NFATC1: variants seen among roughly 807,000 people sequenced by gnomAD.
NFATC1 encodes the protein nuclear factor of activated T-cells, cytoplasmic 1.
NFATC1 carries 22 observed loss-of-function variants against 76.0 expected under a neutral mutation model. That is an observed-to-expected ratio of 0.29 (90% CI 0.21 to 0.41). NFATC1 has a LOEUF of 0.41. Among genes scored for constraint, NFATC1 ranks in the 10% least tolerant of loss-of-function variants. NFATC1 has a pLI of 1.00. For missense variants in NFATC1, 1,357 were observed against 1,337.7 expected (o/e 1.01, Z -0.23); for synonymous variants, 704 against 613.1 (o/e 1.15, Z -2.19).
At chr18:79,448,629 CAA>C in intron 3 of NFATC1, 151 bp from the exon 4 acceptor site, 1 of 727,684 alleles carries the variant, frequency 1.4e-6, no homozygotes, top group Non-Finnish European at 2.3e-6. Context: ...ATCTGATTTA[CAA>C]AGACACCAGT....
At chr18:79,480,356 C>T (rs1222672948) in intron 8 of NFATC1, among the ~76,000 whole-genome samples, 1 of 152,110 alleles carries the variant, frequency 6.6e-6, no homozygotes, top group African/African-American at 2.4e-5. Context: ...GCCAACCTGG[C>T]GGGGTCCCAG....
intron 8 of NFATC1, chr18:79,468,555 T>C (rs1300237997): frequency 6.6e-6 from 1 of 152,242 alleles, no homozygotes; most frequent in Non-Finnish European, 1.5e-5. Flanking sequence ...TGGGCGCTAA[T>C]TGCAAAAGCA....
At chr18:79,398,591 T>A (rs959324341) in intron 1 of NFATC1, among the ~76,000 whole-genome samples, 1 of 152,204 alleles carries the variant, frequency 6.6e-6, no homozygotes, top group African/African-American at 2.4e-5. Context: ...CGACCCCTTC[T>A]CTGGGATGGA....
At position 79,411,438 on chromosome 18, in the gene NFATC1, C is replaced by G. The variant is rs199736877; in HGVS notation, c.1163C>G (p.Ala388Gly). ...RKGGFCDQYLAVPQHPYQWAK... is the reference protein window; with the variant it reads ...RKGGFCDQYLGVPQHPYQWAK... Reference sequence around the variant, plus strand: ...GGCGGCTTCTGCGACCAGTACCTGGCGGTGCCGCAGCACCCCTACCAGTGG... The same window carrying G: ...GGCGGCTTCTGCGACCAGTACCTGGGGGTGCCGCAGCACCCCTACCAGTGG... Residue 388 changes from alanine to glycine, a missense_variant, in exon 2 of 10, where the codon GCG becomes GGG. Ala to Gly is a moderately conservative substitution (Grantham distance 60). Around this residue, in one of 3 missense-constraint regions of NFATC1, gnomAD observed 691 missense variants for 613.1 expected, o/e 1.13. Coordinates refer to ENST00000427363, the MANE Select transcript of NFATC1 (RefSeq NM_001278669.2). The G allele has an allele frequency of 1.3e-6, 2 of 1,517,506 alleles. No homozygotes were observed. The allele number at this position is 1,517,506 out of a possible 1,614,324, so 94.0% of individuals were successfully genotyped here.
At chr18:79,481,802 A>G (rs1461234160) in intron 8 of NFATC1, among the ~76,000 whole-genome samples, 26 of 149,940 alleles carry the variant, frequency 1.7e-4, no homozygotes, top group Non-Finnish European at 3.1e-4. Context: ...GTGTCACTCC[A>G]GCGTGACCTG....
At chr18:79,403,716 A>C (rs1453450003) in intron 1 of NFATC1, among the ~76,000 whole-genome samples, 3 of 152,256 alleles carry the variant, frequency 2.0e-5, no homozygotes, top group Non-Finnish European at 4.4e-5. Context: ...TGGGGCATTT[A>C]ATGGTTCCCT....
In NFATC1 at chr18:79,451,740, G is replaced by A. The variant is rs1419545931; in HGVS notation, c.1827G>A (p.Val609=). ...AGAGCACGGACAGCTATCCGGTCGT[G>A]GGCGGGAAGAAGATGGTCCTGTCTG... is the stretch of plus-strand genomic sequence containing the variant. ...EKQSTDSYPV[V]GGKKMVLSGH... The change falls in exon 6 of 10, where the codon GTG becomes GTA. Residue 609 remains valine, a synonymous_variant. Coordinates refer to ENST00000427363, the MANE Select transcript of NFATC1 (RefSeq NM_001278669.2). The A allele has an allele frequency of 6.2e-7, 1 of 1,613,120 alleles. No homozygotes were observed. The highest frequency in any genetic ancestry group is 1.1e-5 in the South Asian group (1 of 90,766).
intron 1 of NFATC1, among the ~76,000 whole-genome samples, chr18:79,407,781 G>A (rs542335431): frequency 6.6e-5 from 10 of 152,302 alleles, no homozygotes; most frequent in East Asian, 5.8e-4. Flanking sequence ...TTCTCTCTCC[G>A]GTGCAGGAGA....
chr18:79,519,406 C>G (rs1253187427), intron 9 of NFATC1, among the ~76,000 whole-genome samples: 9 of 152,106 alleles, frequency 5.9e-5, no homozygotes. Context: ...AATCTCAGCT[C>G]ACTGCAGCCT....
intron 9 of NFATC1, among the ~76,000 whole-genome samples, chr18:79,519,157 G>T (rs961367650): frequency 6.6e-6 from 1 of 152,138 alleles, no homozygotes; most frequent in African/African-American, 2.4e-5. Flanking sequence ...GCTGCTCACA[G>T]ATCTCCGAAC....
At chr18:79,477,233 A>G (rs2089110597) in intron 8 of NFATC1, among the ~76,000 whole-genome samples, 1 of 152,254 alleles carries the variant, frequency 6.6e-6, no homozygotes, top group Non-Finnish European at 1.5e-5. Flanking sequence ...CTTTCTTGTC[A>G]TACAGCAAAC....
chr18:79,512,667 C>G (rs897653799), intron 9 of NFATC1, among the ~76,000 whole-genome samples: 5 of 152,258 alleles, frequency 3.3e-5, no homozygotes, highest in African/African-American at 1.2e-4. Flanking sequence ...GTTTGCTGAG[C>G]CGTGGTCTGT....
Position 79,410,330 on chromosome 18 carries a change from GC to G in NFATC1, c.128-70del. ...GGTCGAGGCCGGGGGTTGCTGGCCGGCCCTGAGTTCATGGGTTTCTGCTTTG... is the reference window on the plus strand; with the variant it reads ...GGTCGAGGCCGGGGGTTGCTGGCCGGCCTGAGTTCATGGGTTTCTGCTTTG... On this transcript the variant is annotated intron_variant, in intron 1 of 9. Transcript: ENST00000427363. This position sits in a 1 kb window ranked among gnomAD's most constrained non-coding sequence, Gnocchi z 6.7. 1 of 1,531,700 alleles carries G rather than the reference GC, an allele frequency of 6.5e-7. No individual in the cohort carries two copies. 94.9% of individuals were successfully genotyped at this position (1,531,700 alleles called of 1,614,324 possible).
chr18:79,421,891 C>T (rs2086106549), intron 2 of NFATC1: 1 of 152,286 alleles, frequency 6.6e-6, no homozygotes, highest in Non-Finnish European at 1.5e-5. Flanking sequence ...TTCTCCGACC[C>T]CGAGGGCCAA....
chr18:79,401,473 C>T (rs1300440893), intron 1 of NFATC1, among the ~76,000 whole-genome samples: 2 of 152,254 alleles, frequency 1.3e-5, no homozygotes, highest in East Asian at 1.9e-4. Context: ...GGCCTGGGTT[C>T]TAGGTCTTTG....
rs141440825 is a variant in NFATC1, at chr18:79,480,433, C to T, written c.2093-5815C>T. On this transcript the variant is annotated intron_variant, in intron 8 of 9. Transcript: ENST00000427363. ...GGATGCATCAGTGCTGGGCCTGCTC[C>T]GAACCCGCAGGGCAAGCAGCCCGTG... is the stretch of plus-strand genomic sequence containing the variant. Among the ~76,000 whole-genome samples the T allele has an allele frequency of 1.4e-4, 21 of 152,118 alleles. No individual in the cohort carries two copies. The East Asian group carries it at 3.9e-3, about 28-fold the overall frequency.
intron 2 of NFATC1, among the ~76,000 whole-genome samples, chr18:79,429,289 C>T (rs796563960): frequency 2.7e-5 from 4 of 149,760 alleles, no homozygotes; most frequent in Non-Finnish European, 5.9e-5. Context: ...CTGTGGGCGT[C>T]GGTCACCGTC....
intron 2 of NFATC1, among the ~76,000 whole-genome samples, chr18:79,432,480 G>C (rs1180034224): frequency 6.6e-6 from 1 of 152,256 alleles, no homozygotes; most frequent in Non-Finnish European, 1.5e-5. Context: ...GATCTGATGA[G>C]CAGTGCTGGT....
intron 9 of NFATC1, among the ~76,000 whole-genome samples, chr18:79,514,800 T>A (rs1314066179): frequency 1.3e-5 from 2 of 150,590 alleles, no homozygotes; most frequent in Non-Finnish European, 1.5e-5. Context: ...AATCCTAGCA[T>A]GTTGGGAGGC....
Sources: gnomAD v4.1 joint callset for allele counts (sites outside exome capture counted in the v4.1 genomes callset) on GRCh38, gnomAD v4.1.1 for gene constraint, gnomAD v4.1.1 regional missense constraint, Gnocchi (gnomAD v3.1) non-coding constraint, MANE v1.5 for transcripts, NCBI Gene and HGNC (gene_info 2026-07-23, HGNC 2026-07-21) for gene names.